ABCA12: variants seen among roughly 807,000 people sequenced by gnomAD.
ABCA12 encodes glucosylceramide transporter ABCA12.
A neutral mutation model predicts 293.5 loss-of-function variants in ABCA12; 156 were observed. The ratio of observed to expected loss-of-function variants is 0.53; its 90% CI spans 0.47 to 0.61. The LOEUF is 0.61. Among genes scored for constraint, ABCA12 ranks in the 20% least tolerant of loss-of-function variants. The probability of loss-of-function intolerance (pLI) is 0.00; values close to 1 mark genes in which losing one functional copy is unlikely to be tolerated. For missense variants in ABCA12, 2,797 were observed against 3,090.2 expected, an observed-to-expected ratio of 0.91 and a Z score of 2.25; for synonymous variants, 1,063 against 1,108.0, an observed-to-expected ratio of 0.96 and a Z score of 0.81.
rs531894248 is a variant in ABCA12 at position 214,934,872 on chromosome 2, TTCTC to T, written c.7543-661_7543-658del. ...TAAAATACCTCTCAAACTTAACCTT[TTCTC>T]TCTATTTGCACCACCAATATGATTA... On this transcript the variant is annotated intron_variant, in intron 51 of 52. Transcript: ENST00000272895. Among the ~76,000 whole-genome samples, 27 of 152,248 alleles carry T rather than the reference TTCTC, an allele frequency of 1.8e-4. No homozygotes were observed. The East Asian group carries it at 2.9e-3, about 16-fold the overall frequency.
At chr2:215,070,840 G>A (rs565300055) in intron 2 of ABCA12, among the ~76,000 whole-genome samples, 78 of 152,064 alleles carry the variant, frequency 5.1e-4, no homozygotes, top group African/African-American at 1.9e-3. Context: ...GAAATATTGT[G>A]TACTAAAAAG....
chr2:215,006,597 A>G (rs978088208), intron 19 of ABCA12, among the ~76,000 whole-genome samples: 1 of 152,284 alleles, frequency 6.6e-6, no homozygotes, highest in Admixed American at 6.5e-5. Context: ...ATCATATAAT[A>G]TCCTCCATTC....
chr2:215,017,027 G>A (rs1253333019), intron 14 of ABCA12, among the ~76,000 whole-genome samples: 1 of 152,082 alleles, frequency 6.6e-6, no homozygotes, highest in Non-Finnish European at 1.5e-5. Flanking sequence ...ATAATCAAAA[G>A]GTGAGATTAA....
intron 1 of ABCA12, among the ~76,000 whole-genome samples, chr2:215,132,230 T>G (rs1575064402): frequency 6.6e-6 from 1 of 152,118 alleles, no homozygotes; most frequent in African/African-American, 2.4e-5. Context: ...GGGTATAATG[T>G]TCTATAAATG....
At chr2:215,133,456 C>A (rs1703108820) in intron 1 of ABCA12, among the ~76,000 whole-genome samples, 1 of 151,942 alleles carries the variant, frequency 6.6e-6, no homozygotes, top group Non-Finnish European at 1.5e-5. Context: ...ACTTCGTCAT[C>A]TTAATGGAAG....
chr2:215,113,203 T>G (rs1056118164), intron 1 of ABCA12, among the ~76,000 whole-genome samples: 1 of 152,232 alleles, frequency 6.6e-6, no homozygotes, highest in Non-Finnish European at 1.5e-5. Flanking sequence ...CATTTGCTAC[T>G]AAAATCTCCA....
intron 2 of ABCA12, among the ~76,000 whole-genome samples, chr2:215,092,458 AT>A (rs1702167398): frequency 6.6e-6 from 1 of 151,906 alleles, no homozygotes; most frequent in African/African-American, 2.4e-5. Context: ...TTCCTCTTGT[AT>A]CCCCCGACCT....
intron 2 of ABCA12, among the ~76,000 whole-genome samples, chr2:215,071,134 C>A (rs2106082358): frequency 6.6e-6 from 1 of 151,140 alleles, no homozygotes; most frequent in East Asian, 2.0e-4. Context: ...GAGTTCAAGG[C>A]TGCAGTGAGC....
intron 17 of ABCA12, among the ~76,000 whole-genome samples, chr2:215,010,973 G>A (rs1298575204): frequency 1.3e-5 from 2 of 152,152 alleles, no homozygotes; most frequent in Admixed American, 6.5e-5. Flanking sequence ...TGGTTTTGAT[G>A]TGCCACGAGA....
chr2:215,126,364 A>G (rs1431305516), intron 1 of ABCA12, among the ~76,000 whole-genome samples: 1 of 152,140 alleles, frequency 6.6e-6, no homozygotes, highest in Non-Finnish European at 1.5e-5. Flanking sequence ...GAATAGTTTC[A>G]AAAGGATTGG....
chr2:215,015,796 C>T (rs1700481473), intron 14 of ABCA12, 133 bp from the exon 15 acceptor site: 1 of 757,788 alleles, frequency 1.3e-6, no homozygotes, highest in African/African-American at 1.7e-5. Context: ...AACTTTTCAT[C>T]TAAAGCACTA....
At chr2:215,124,196 A>G (rs1176349832) in intron 1 of ABCA12, among the ~76,000 whole-genome samples, 1 of 152,142 alleles carries the variant, frequency 6.6e-6, no homozygotes, top group East Asian at 1.9e-4. Flanking sequence ...TGGTTCCACA[A>G]TTTTGCAATT....
Position 214,989,578 on chromosome 2 carries a change from A to G in ABCA12, c.3668T>C (p.Ile1223Thr). ...PTAFSYASQY[I>T]ARYEEQGIGL... is the part of the protein sequence containing the mutation. ...AATGCCCTGTTCTTCGTATCGTGCA[A>G]TGTATTGGCTTGCATAGCTGAATGC... The change falls in exon 25 of 53, where the codon ATT (isoleucine) becomes ACT (threonine). Residue 1223 changes from isoleucine (I) to threonine (T), a missense_variant. This residue lies in a region of ABCA12 where 2,130 missense variants were observed against 2,427.0 expected (regional missense o/e 0.88). Coordinates refer to ENST00000272895, the MANE Select transcript of ABCA12 (RefSeq NM_173076.3). The G allele has an allele frequency of 6.2e-7, 1 of 1,614,104 alleles. No individual in the cohort carries two copies. Among genetic ancestry groups the G allele is most frequent in the African/African-American group, 1.3e-5 (1 of 75,056 alleles).
intron 41 of ABCA12, 88 bp from the exon 42 acceptor site, chr2:214,956,866 A>G: frequency 5.8e-6 from 5 of 863,304 alleles, no homozygotes; most frequent in Non-Finnish European, 9.6e-6. Context: ...TTAAAACTGC[A>G]ACAAGTTGAC....
chr2:215,049,576 AC>A, intron 6 of ABCA12, 49 bp downstream of exon 6: 2 of 1,558,636 alleles, frequency 1.3e-6, no homozygotes, highest in Non-Finnish European at 1.8e-6. Context: ...CTATAGATTT[AC>A]CCTTTAATTC....
Position 214,955,399 on chromosome 2 carries a change from C to T in ABCA12, c.6234-38G>A, listed in dbSNP as rs199730511. The T allele has an allele frequency of 2.1e-4, 331 of 1,608,458 alleles. 1 individual carries two copies. In the African/African-American group the frequency reaches 3.4e-3, roughly 17 times the overall value. ...AACACAAAGAATTAAAATTACGCCT[C>T]GGCCAGGCATGGTGGCTCACACCTG... On this transcript the variant is annotated intron_variant, in intron 42 of 52. Transcript: ENST00000272895.
At chr2:215,063,335 G>A (rs1701573388) in intron 3 of ABCA12, among the ~76,000 whole-genome samples, 1 of 151,942 alleles carries the variant, frequency 6.6e-6, no homozygotes, top group South Asian at 2.1e-4. Context: ...ATTTTCTTGA[G>A]AGATACTCAA....
At chr2:215,122,951 G>A (rs1367042215) in intron 1 of ABCA12, among the ~76,000 whole-genome samples, 3 of 152,022 alleles carry the variant, frequency 2.0e-5, no homozygotes, top group Admixed American at 2.0e-4. Context: ...TCCCTACTAT[G>A]GCATTCCCAG....
At chr2:215,033,757 C>T (rs977450904) in intron 8 of ABCA12, among the ~76,000 whole-genome samples, 3 of 151,852 alleles carry the variant, frequency 2.0e-5, no homozygotes, top group Admixed American at 6.6e-5. Context: ...CTGGCTAACA[C>T]GGTGACACCC....
Sources: gnomAD v4.1 joint callset for allele counts (sites outside exome capture counted in the v4.1 genomes callset) on GRCh38, gnomAD v4.1.1 for gene constraint, gnomAD v4.1.1 regional missense constraint, MANE v1.5 for transcripts, NCBI Gene and HGNC (gene_info 2026-07-23, HGNC 2026-07-21) for gene names.